Variants in CDC42BPA observed in about 807,000 individuals in gnomAD.
The protein encoded by CDC42BPA is CDC42 binding protein kinase alpha, also known as serine/threonine-protein kinase MRCK alpha.
A neutral mutation model predicts 223.5 loss-of-function variants in CDC42BPA; 80 were observed. The ratio of observed to expected loss-of-function variants is 0.36; its 90% CI spans 0.30 to 0.43. The LOEUF (loss-of-function observed/expected upper bound fraction) is 0.43, where lower values mean the gene tolerates loss of function less well. Ranked by LOEUF, CDC42BPA falls within the 20% of genes least tolerant of loss-of-function variation. The probability of loss-of-function intolerance (pLI) is 1.00; values close to 1 mark genes in which losing one functional copy is unlikely to be tolerated. For synonymous variants in CDC42BPA, 694 were observed against 718.6 expected, an observed-to-expected ratio of 0.97 and a Z score of 0.55; for missense variants, 1,743 against 2,099.9, an observed-to-expected ratio of 0.83 and a Z score of 3.32.
chr1:227,263,297 T>C (rs892954959), intron 1 of CDC42BPA, among the ~76,000 whole-genome samples: 1 of 152,202 alleles, frequency 6.6e-6, no homozygotes, highest in South Asian at 2.1e-4. Flanking sequence ...GTTTACATAA[T>C]ATAGTAGTTT....
intron 1 of CDC42BPA, among the ~76,000 whole-genome samples, chr1:227,292,379 C>T (rs1022076758): frequency 6.6e-6 from 1 of 152,100 alleles, no homozygotes; most frequent in African/African-American, 2.4e-5. Flanking sequence ...AAATATTTAC[C>T]TCTAGAGACA....
chr1:227,181,129 G>C (rs974505151), intron 5 of CDC42BPA, among the ~76,000 whole-genome samples: 1 of 152,004 alleles, frequency 6.6e-6, no homozygotes, highest in Non-Finnish European at 1.5e-5. Flanking sequence ...AGTAATGCTA[G>C]GATTCAAACT....
chr1:227,163,290 T>C (rs1163554486), intron 5 of CDC42BPA, among the ~76,000 whole-genome samples: 3 of 152,190 alleles, frequency 2.0e-5, no homozygotes, highest in Non-Finnish European at 2.9e-5. Flanking sequence ...TTTAATTATA[T>C]ACATATCAAA....
chr1:227,248,341 T>C (rs1032854296), intron 2 of CDC42BPA, among the ~76,000 whole-genome samples: 3 of 152,134 alleles, frequency 2.0e-5, no homozygotes, highest in South Asian at 2.1e-4. Context: ...TATGGTCTTA[T>C]ATTTTGGAAA....
intron 34 of CDC42BPA, among the ~76,000 whole-genome samples, chr1:227,013,241 C>T (rs972637528): frequency 6.6e-5 from 10 of 151,964 alleles, no homozygotes; most frequent in Non-Finnish European, 5.9e-5. Flanking sequence ...CCAAAAAGAA[C>T]GATTATCATG....
At chr1:227,094,602 T>C (rs1683652502) in intron 15 of CDC42BPA, among the ~76,000 whole-genome samples, 1 of 152,158 alleles carries the variant, frequency 6.6e-6, no homozygotes, top group Non-Finnish European at 1.5e-5. Flanking sequence ...TTTAAACATA[T>C]CCTGTGCCTC....
In CDC42BPA at chr1:227,175,766, G is replaced by A. The variant is rs181027459; in HGVS notation, c.600-15130C>T. Reference sequence around the variant, plus strand: ...TGAAAGCTTATTTGCTATTTGGCATGACAAGACATACAGGGCTCATCTTGT... The same window carrying A: ...TGAAAGCTTATTTGCTATTTGGCATAACAAGACATACAGGGCTCATCTTGT... On this transcript the variant is annotated intron_variant, in intron 5 of 36. Transcript: ENST00000366766. 9.4e-4 allele frequency among the ~76,000 whole-genome samples: 143 copies of A among 152,212 alleles called. 2 individuals are homozygous for A. In the South Asian group the frequency reaches 0.016, roughly 17 times the overall value.
At chr1:227,207,087 C>T (rs191274711) in intron 3 of CDC42BPA, among the ~76,000 whole-genome samples, 2,626 of 102,456 alleles carry the variant, frequency 0.026, 47 homozygotes, top group Middle Eastern at 0.055. Context: ...CCCCCTCCCC[C>T]CACCCCACAA....
intron 2 of CDC42BPA, among the ~76,000 whole-genome samples, chr1:227,224,379 G>C (rs1183515928): frequency 6.6e-6 from 1 of 151,922 alleles, no homozygotes; most frequent in Non-Finnish European, 1.5e-5. Context: ...GATTACAGGT[G>C]CGTGCCACCA....
At chr1:227,160,772 T>C (rs3754418) in intron 5 of CDC42BPA, 136 bp from the exon 6 acceptor site, 199,255 of 555,352 alleles carry the variant, frequency 0.36, 36,579 homozygotes, top group Middle Eastern at 0.41. Flanking sequence ...AATTACTTTA[T>C]TAATTCAAAT....
chr1:227,081,110 C>T (rs1402201706), intron 16 of CDC42BPA, 93 bp from the exon 17 acceptor site: 4 of 1,261,262 alleles, frequency 3.2e-6, no homozygotes, highest in Non-Finnish European at 4.5e-6. Context: ...TCAACATCAT[C>T]TACCCAAAAA....
intron 16 of CDC42BPA, among the ~76,000 whole-genome samples, chr1:227,082,714 CAA>C (rs71574595): frequency 0.078 from 4,633 of 59,178 alleles, 72 homozygotes; most frequent in South Asian, 0.14. Context: ...GACTCTGTCT[CAA>C]AAAAAAAAAA....
intron 1 of CDC42BPA, among the ~76,000 whole-genome samples, chr1:227,261,055 C>T (rs1683950299): frequency 6.7e-6 from 1 of 150,210 alleles, no homozygotes; most frequent in Admixed American, 6.6e-5. Flanking sequence ...AGGTTAAAAA[C>T]AGTATTATTC....
intron 14 of CDC42BPA, among the ~76,000 whole-genome samples, chr1:227,109,121 G>T (rs1351001650): frequency 6.6e-6 from 1 of 152,154 alleles, no homozygotes; most frequent in Non-Finnish European, 1.5e-5. Context: ...AACTTAACAG[G>T]ACTGGAAATT....
At chr1:227,167,603 C>T (rs546463769) in intron 5 of CDC42BPA, among the ~76,000 whole-genome samples, 3 of 152,276 alleles carry the variant, frequency 2.0e-5, no homozygotes, top group African/African-American at 7.2e-5. Flanking sequence ...CAGCTCTCTG[C>T]TCTCCTTTGT....
chr1:227,257,253 C>T lies in CDC42BPA; in HGVS notation c.179-3098G>A, dbSNP rs193224854. On this transcript the variant is annotated intron_variant, in intron 1 of 36. Transcript: ENST00000366766. Reference sequence around the variant, plus strand: ...TTGGATAATGAAAAAGTTTTAGAGACAGCTATGTGATGGTTGTTACATAAT... The same window carrying T: ...TTGGATAATGAAAAAGTTTTAGAGATAGCTATGTGATGGTTGTTACATAAT... Among the ~76,000 whole-genome samples the T allele has an allele frequency of 8.2e-4, 125 of 152,180 alleles. No homozygotes were observed. The Middle Eastern group carries it at 0.014, about 17-fold the overall frequency.
intron 9 of CDC42BPA, among the ~76,000 whole-genome samples, chr1:227,141,591 C>G (rs796193110): frequency 6.6e-6 from 1 of 152,128 alleles, no homozygotes; most frequent in African/African-American, 2.4e-5. Flanking sequence ...TTGCCTCAAT[C>G]CTTTCAGTGA....
chr1:227,219,595 TG>T (rs1157070295), intron 2 of CDC42BPA, among the ~76,000 whole-genome samples: 3 of 152,160 alleles, frequency 2.0e-5, no homozygotes, highest in Non-Finnish European at 2.9e-5. Context: ...TTTATTTTCA[TG>T]TTTTTTTTTA....
rs188924416 is a variant in CDC42BPA, at chr1:227,121,421, T to C, written c.1514-1484A>G. On this transcript the variant is annotated intron_variant, in intron 11 of 36. Coordinates refer to ENST00000366766, the MANE Select transcript of CDC42BPA (RefSeq NM_001394014.1). ...AAAATTACTTAAATGTATTAGTGTATCATGCATTGTATAGTTCTACATTCC... is the reference window on the plus strand; with the variant it reads ...AAAATTACTTAAATGTATTAGTGTACCATGCATTGTATAGTTCTACATTCC... Among the ~76,000 whole-genome samples, 5 of 152,334 alleles carry C rather than the reference T, an allele frequency of 3.3e-5. No individual in the cohort carries two copies. In the East Asian group the frequency reaches 9.6e-4, roughly 29 times the overall value.
Sources: allele counts gnomAD v4.1 joint callset (sites outside exome capture counted in the v4.1 genomes callset), GRCh38; gene constraint gnomAD v4.1.1; transcripts MANE v1.5; gene names NCBI Gene and HGNC (gene_info 2026-07-23, HGNC 2026-07-21).